MBNL2: variants seen among roughly 807,000 people sequenced by gnomAD.
The protein encoded by MBNL2 is muscleblind-like protein 2.
A neutral mutation model predicts 41.9 loss-of-function variants in MBNL2; 17 were observed. That is an observed-to-expected ratio of 0.41 (90% confidence interval 0.28 to 0.61). The LOEUF (loss-of-function observed/expected upper bound fraction) is 0.61. Ranked by LOEUF, MBNL2 falls within the 20% of genes least tolerant of loss-of-function variation. The pLI is 0.35. For missense variants in MBNL2, 336 were observed against 505.6 expected (o/e 0.66, Z 3.22); for synonymous variants, 195 against 182.9 (o/e 1.07, Z -0.53).
intron 1 of MBNL2, among the ~76,000 whole-genome samples, chr13:97,265,156 C>G (rs1248508116): frequency 1.3e-5 from 2 of 152,150 alleles, no homozygotes; most frequent in African/African-American, 4.8e-5. Context: ...ATTTCTTTCT[C>G]TACCCATTCC....
At chr13:97,199,584 A>G in the MBNL2 span, among the ~76,000 whole-genome samples, 5 of 152,380 alleles carry the variant, frequency 3.3e-5, no homozygotes, top group East Asian at 5.8e-4. Context: ...CATTTAAAAA[A>G]TGCTGTGGGT....
At chr13:97,364,504 C>G (rs572956158) in intron 7 of MBNL2, among the ~76,000 whole-genome samples, 2 of 152,334 alleles carry the variant, frequency 1.3e-5, no homozygotes, top group Admixed American at 6.5e-5. Context: ...ATTGGGCTTT[C>G]AAGCAGCAAT....
At chr13:97,266,323 A>AATC (rs1255628000) in intron 1 of MBNL2, among the ~76,000 whole-genome samples, 2 of 152,260 alleles carry the variant, frequency 1.3e-5, no homozygotes, top group African/African-American at 4.8e-5. Context: ...CATTAAAAGA[A>AATC]ATCTCTTTTG....
intron 5 of MBNL2, among the ~76,000 whole-genome samples, chr13:97,351,766 A>C (rs1254879792): frequency 6.6e-6 from 1 of 152,132 alleles, no homozygotes; most frequent in Non-Finnish European, 1.5e-5. Context: ...GCTCATGCCT[A>C]TAATCCCAGC....
intron 1 of MBNL2, among the ~76,000 whole-genome samples, chr13:97,262,769 T>G (rs1295530160): frequency 6.6e-6 from 1 of 151,872 alleles, no homozygotes; most frequent in Non-Finnish European, 1.5e-5. Flanking sequence ...CTTTTTTTTT[T>G]AATAATTTTT....
In MBNL2 at chr13:97,391,292, CT is replaced by C. The variant is rs762710130; in HGVS notation, c.1049-29del. 8.2e-6 allele frequency: 8 copies of C among 973,316 alleles called. No individual in the cohort carries two copies. The East Asian group carries it at 1.9e-4, about 24-fold the overall frequency. The allele number at this position is 973,316 out of a possible 1,614,324, so 60.3% of individuals were successfully genotyped here. ...ATTATTTTTCCTCCCAGAAGGATAC[CT>C]AAATCATGCTTGTCTTTCTCTTTAA... On this transcript the variant is annotated intron_variant, in intron 8 of 8. Coordinates refer to ENST00000679496, the MANE Select transcript of MBNL2 (RefSeq NM_001382683.1).
chr13:97,173,977 T>C, the MBNL2 span, among the ~76,000 whole-genome samples: 1 of 152,204 alleles, frequency 6.6e-6, no homozygotes, highest in African/African-American at 2.4e-5. Context: ...AAAATTGTCA[T>C]TTTATATCAT....
chr13:97,143,924 A>G, the MBNL2 span, among the ~76,000 whole-genome samples: 4 of 151,964 alleles, frequency 2.6e-5, no homozygotes, highest in Non-Finnish European at 4.4e-5. Flanking sequence ...TCTCACTGCA[A>G]TCTCTGCCTC....
intron 3 of MBNL2, among the ~76,000 whole-genome samples, chr13:97,337,771 G>A (rs1195551264): frequency 1.3e-5 from 2 of 152,158 alleles, no homozygotes; most frequent in Non-Finnish European, 2.9e-5. Flanking sequence ...GGAAGTATTA[G>A]AATAAAAATT....
At chr13:97,222,764 G>T (rs990479948) in intron 1 of MBNL2, among the ~76,000 whole-genome samples, 2 of 152,272 alleles carry the variant, frequency 1.3e-5, no homozygotes, top group Admixed American at 6.5e-5. Context: ...TTTATGCAAA[G>T]AATCGATTCA....
At chr13:97,380,296 C>T (rs1566452597) in intron 8 of MBNL2, among the ~76,000 whole-genome samples, 1 of 152,056 alleles carries the variant, frequency 6.6e-6, no homozygotes, top group Non-Finnish European at 1.5e-5. Context: ...GAATTTGAGA[C>T]CAGCCTGGCC....
intron 2 of MBNL2, among the ~76,000 whole-genome samples, chr13:97,295,007 A>G (rs1321691747): frequency 6.6e-6 from 1 of 152,208 alleles, no homozygotes. Flanking sequence ...TTGAAATGTT[A>G]TGGTATCATT....
intron 3 of MBNL2, among the ~76,000 whole-genome samples, chr13:97,340,125 T>G (rs2061332785): frequency 6.6e-6 from 1 of 152,198 alleles, no homozygotes; most frequent in Admixed American, 6.5e-5. Context: ...AGAAGACAAG[T>G]GTGAGAATGC....
At position 97,335,285 on chromosome 13, in the gene MBNL2, C is replaced by CT. The variant is rs35438891; in HGVS notation, c.339+859dup. On this transcript the variant is annotated intron_variant, in intron 3 of 8. Coordinates refer to ENST00000679496, the MANE Select transcript of MBNL2 (RefSeq NM_001382683.1). ...GTGAATTATTTGTCAGAAACAAGCTCTTTTTTTTTTTTTTAAAGAAAGGCA... is the reference window on the plus strand; with the variant it reads ...GTGAATTATTTGTCAGAAACAAGCTCTTTTTTTTTTTTTTTAAAGAAAGGCA... Among the ~76,000 whole-genome samples, 267 of 141,348 alleles carry CT rather than the reference C, an allele frequency of 1.9e-3. 1 individual carries two copies. Among genetic ancestry groups the CT allele is most frequent in the East Asian group, 6.2e-3 (30 of 4,858 alleles). 92.7% of individuals were successfully genotyped at this position (141,348 alleles called of 152,430 possible).
chr13:97,208,319 A>G, the MBNL2 span, among the ~76,000 whole-genome samples: 1 of 152,190 alleles, frequency 6.6e-6, no homozygotes, highest in Non-Finnish European at 1.5e-5. Flanking sequence ...AAAGACTTGG[A>G]CAGGAATAGT....
At chr13:97,339,866 TGTG>T (rs2061288693) in intron 3 of MBNL2, among the ~76,000 whole-genome samples, 2 of 79,444 alleles carry the variant, frequency 2.5e-5, no homozygotes, top group African/African-American at 7.7e-5. Flanking sequence ...AACTGATTTG[TGTG>T]TGGGCGGGGG....
rs554588366 is a variant in MBNL2, at chr13:97,392,675, T to C, written c.*1226T>C. Reference sequence around the variant, plus strand: ...AAGGTAATAGCGATACAATTAAATTTTGTTCAGAAAGTTTGTTTTAAAGTT... The same window carrying C: ...AAGGTAATAGCGATACAATTAAATTCTGTTCAGAAAGTTTGTTTTAAAGTT... On this transcript the variant is annotated 3_prime_UTR_variant, in exon 9 of 9. Coordinates refer to ENST00000679496, the MANE Select transcript of MBNL2 (RefSeq NM_001382683.1). 4.3e-4 allele frequency: 66 copies of C among 152,578 alleles called. No homozygotes were observed. Among genetic ancestry groups the C allele is most frequent in the African/African-American group, 1.6e-3 (65 of 41,554 alleles). The allele number at this position is 152,578 out of a possible 1,614,324, so 9.5% of individuals were successfully genotyped here.
chr13:97,203,871 T>TG, the MBNL2 span, among the ~76,000 whole-genome samples: 1 of 126,630 alleles, frequency 7.9e-6, no homozygotes, highest in Non-Finnish European at 1.8e-5. Context: ...GAATGATAAG[T>TG]GAATGGATGG....
At chr13:97,305,282 A>T (rs918486865) in intron 2 of MBNL2, among the ~76,000 whole-genome samples, 5 of 152,202 alleles carry the variant, frequency 3.3e-5, no homozygotes, top group Non-Finnish European at 5.9e-5. Context: ...ATGCATAATT[A>T]AGAAATTGCT....
Sources: gnomAD v4.1 joint callset for allele counts (sites outside exome capture counted in the v4.1 genomes callset) on GRCh38, gnomAD v4.1.1 for gene constraint, MANE v1.5 for transcripts, NCBI Gene and HGNC (gene_info 2026-07-23, HGNC 2026-07-21) for gene names.